The following IL7 variants were observed in gnomAD, a reference collection of about 807,000 sequenced individuals.
IL7 encodes the protein interleukin-7.
A neutral mutation model predicts 21.6 loss-of-function variants in IL7; 3 were observed. The ratio of observed to expected loss-of-function variants is 0.14; its 90% CI spans 0.06 to 0.36. The LOEUF is 0.36. Among genes scored for constraint, IL7 ranks in the 10% least tolerant of loss-of-function variants. The pLI is 1.00. For missense variants in IL7, 175 were observed against 200.2 expected (o/e 0.87, Z 0.76); for synonymous variants, 62 against 68.1 (o/e 0.91, Z 0.44).
At chr8:78,744,976 G>A (rs1402458138) in intron 2 of IL7, among the ~76,000 whole-genome samples, 2 of 152,156 alleles carry the variant, frequency 1.3e-5, no homozygotes, top group African/African-American at 2.4e-5. Context: ...TGTTCTCCAT[G>A]GGTCAAGTTG....
chr8:78,786,075 T>A (rs1813500452), intron 2 of IL7, among the ~76,000 whole-genome samples: 1 of 152,222 alleles, frequency 6.6e-6, no homozygotes. Context: ...ATGTACATTG[T>A]GATACTGTGA....
At chr8:78,676,767 TTTC>T (rs1486935957) in intron 4 of IL7, among the ~76,000 whole-genome samples, 1 of 152,050 alleles carries the variant, frequency 6.6e-6, no homozygotes, top group African/African-American at 2.4e-5. Context: ...CAATGATTTT[TTTC>T]TTATCAATTT....
intron 3 of IL7, among the ~76,000 whole-genome samples, chr8:78,694,362 A>G (rs1339173628): frequency 6.6e-6 from 1 of 151,922 alleles, no homozygotes; most frequent in Non-Finnish European, 1.5e-5. Context: ...GCTTGTTACA[A>G]GTAAAACGGT....
At chr8:78,740,146 T>TA in intron 2 of IL7, 64 bp from the exon 3 acceptor site, 1 of 924,772 alleles carries the variant, frequency 1.1e-6, no homozygotes, top group East Asian at 3.5e-5. Context: ...CTTGTAATTA[T>TA]AAAAAATAAT....
intron 3 of IL7, chr8:78,698,310 T>C: frequency 1.1e-6 from 1 of 913,442 alleles, no homozygotes; most frequent in Non-Finnish European, 1.6e-6. Context: ...ACTTGATTTA[T>C]AGTTGCAAAG....
rs1175962353 is a variant in IL7 at position 78,805,458 on chromosome 8, A to G, written c.-536T>C. The stretch of plus-strand genomic sequence containing the variant: ...TTGTTAATGTGTGCACGGAAGCCAC[A>G]AGTGTGCAGGACGCAAGCTGGGTTA... On this transcript the variant is annotated 5_prime_UTR_variant, in exon 1 of 6. Coordinates refer to ENST00000263851, the MANE Select transcript of IL7 (RefSeq NM_000880.4). 6.6e-6 allele frequency: 1 copy of G among 152,350 alleles called. No homozygotes were observed. The highest frequency in any genetic ancestry group is 6.5e-5 in the Admixed American group (1 of 15,294). The allele number at this position is 152,350 out of a possible 1,614,324, so 9.4% of individuals were successfully genotyped here.
intron 3 of IL7, among the ~76,000 whole-genome samples, chr8:78,692,459 C>G (rs1321493024): frequency 1.3e-5 from 2 of 152,158 alleles, no homozygotes; most frequent in Non-Finnish European, 1.5e-5. Flanking sequence ...CATGTTTTCT[C>G]TTTCTTTGCT....
At chr8:78,706,929 T>C (rs998010992) in intron 3 of IL7, among the ~76,000 whole-genome samples, 1 of 152,158 alleles carries the variant, frequency 6.6e-6, no homozygotes, top group Admixed American at 6.5e-5. Flanking sequence ...ATTTTTCTTA[T>C]TGTTGTGCTT....
Position 78,798,095 on chromosome 8 carries a change from T to C in IL7, c.124A>G (p.Met42Val). The change falls in exon 2 of 6, where the codon ATG (methionine) becomes GTG (valine). Residue 42 changes from methionine (M) to valine (V), a missense_variant. Coordinates refer to ENST00000263851, the MANE Select transcript of IL7 (RefSeq NM_000880.4). ...KDGKQYESVL[M>V]VSIDQLLDSM... ...ACCAATAATTGATCGATGCTGACCA[T>C]TAGAACACTCTCATATTGTTTGCCA... 2 of 1,611,712 alleles carry C rather than the reference T, an allele frequency of 1.2e-6. No individual in the cohort carries two copies. The highest frequency in any genetic ancestry group is 1.7e-6 in the Non-Finnish European group (2 of 1,178,470).
intron 3 of IL7, among the ~76,000 whole-genome samples, chr8:78,696,513 G>A (rs1168273305): frequency 6.6e-6 from 1 of 152,184 alleles, no homozygotes; most frequent in African/African-American, 2.4e-5. Flanking sequence ...TCTTGCTATT[G>A]AAGCAGGTGA....
intron 2 of IL7, among the ~76,000 whole-genome samples, chr8:78,783,579 G>C (rs191734454): frequency 6.6e-6 from 1 of 152,156 alleles, no homozygotes; most frequent in Admixed American, 6.5e-5. Flanking sequence ...TTAATATGCA[G>C]TAATGGTTAT....
chr8:78,679,438 A>G (rs62518976), intron 4 of IL7: 9,009 of 152,234 alleles, frequency 0.059, 315 homozygotes, highest in Middle Eastern at 0.082. Flanking sequence ...ATTTAATGCT[A>G]TGTAAATAGT....
intron 3 of IL7, among the ~76,000 whole-genome samples, chr8:78,709,719 TAAAAA>T (rs762270772): frequency 7.7e-6 from 1 of 130,464 alleles, no homozygotes; most frequent in South Asian, 2.5e-4. Context: ...GCTGATGAAC[TAAAAA>T]AAAAAAAAAA....
chr8:78,675,886 T>C, exon 5 of IL7: 6 of 1,581,258 alleles, frequency 3.8e-6, no homozygotes, highest in Non-Finnish European at 5.2e-6. Flanking sequence ...ATTTTGTACC[T>C]TTATGGTTTT....
downstream of IL7, among the ~76,000 whole-genome samples, chr8:78,727,863 C>G (rs1811364032): frequency 6.6e-6 from 1 of 151,884 alleles, no homozygotes; most frequent in Non-Finnish European, 1.5e-5. Context: ...TCATTACTGT[C>G]TTTGTAGAAA....
chr8:78,747,036 T>C (rs1482555734), intron 2 of IL7: 2 of 456,730 alleles, frequency 4.4e-6, no homozygotes, highest in East Asian at 1.4e-4. Context: ...GTCTAATTAT[T>C]GCTCATAGCT....
chr8:78,725,381 G>C (rs1811322907), intron 3 of IL7, among the ~76,000 whole-genome samples: 1 of 145,398 alleles, frequency 6.9e-6, no homozygotes, highest in Non-Finnish European at 1.5e-5. Flanking sequence ...GTTTGGAGCT[G>C]TTCAGCCAGA....
At chr8:78,683,640 C>T (rs903649344) in intron 4 of IL7, among the ~76,000 whole-genome samples, 1 of 152,100 alleles carries the variant, frequency 6.6e-6, no homozygotes, top group Admixed American at 6.5e-5. Flanking sequence ...CTCTGATGTG[C>T]CCTGGAGGCA....
chr8:78,779,453 T>C (rs1198637183), intron 2 of IL7, among the ~76,000 whole-genome samples: 3 of 152,222 alleles, frequency 2.0e-5, no homozygotes, highest in African/African-American at 7.2e-5. Context: ...TGGGGGGATG[T>C]TGAATTTTAT....
Sources: allele counts gnomAD v4.1 joint callset (sites outside exome capture counted in the v4.1 genomes callset), GRCh38; gene constraint gnomAD v4.1.1; transcripts MANE v1.5; gene names NCBI Gene and HGNC (gene_info 2026-07-23, HGNC 2026-07-21).